Variants in MICOS10 observed in about 807,000 individuals in gnomAD.
The protein encoded by MICOS10 is mitochondrial contact site and cristae organizing system subunit 10, also known as MICOS complex subunit MIC10.
Under a neutral mutation model 13.4 loss-of-function variants are expected in MICOS10, and 5 were observed. That is an observed-to-expected ratio of 0.37 (90% CI 0.20 to 0.78). MICOS10 has a LOEUF of 0.78. Ranked by LOEUF, MICOS10 falls within the 30% of genes least tolerant of loss-of-function variation. The probability of loss-of-function intolerance (pLI) is 0.47; values close to 1 mark genes in which losing one functional copy is unlikely to be tolerated. For synonymous variants in MICOS10, 35 were observed against 33.6 expected (o/e 1.04, Z -0.15); for missense variants, 101 against 94.6 (o/e 1.07, Z -0.28).
intron 1 of MICOS10, among the ~76,000 whole-genome samples, chr1:19,616,496 G>C (rs2094885028): frequency 6.6e-6 from 1 of 152,114 alleles, no homozygotes; most frequent in Non-Finnish European, 1.5e-5. Flanking sequence ...AGTATTTTCT[G>C]GCTTGATTTG....
At chr1:19,602,693 G>A (rs2094820295) in intron 1 of MICOS10, among the ~76,000 whole-genome samples, 1 of 152,148 alleles carries the variant, frequency 6.6e-6, no homozygotes, top group African/African-American at 2.4e-5. Context: ...TTTATTAAAT[G>A]CTCTGGCTTT....
intron 1 of MICOS10, chr1:19,617,339 A>C: frequency 1.0e-6 from 1 of 981,748 alleles, no homozygotes; most frequent in Non-Finnish European, 1.2e-6. Flanking sequence ...CAGGAAGGGT[A>C]AGGTCTTGTA....
At chr1:19,610,357 C>G (rs1480325917) in intron 1 of MICOS10, among the ~76,000 whole-genome samples, 1 of 47,676 alleles carries the variant, frequency 2.1e-5, no homozygotes, top group Non-Finnish European at 3.3e-5. Context: ...CCCCACCCCC[C>G]ACCCCCCGGC....
At chr1:19,617,794 AAGCACAAATAC>A (rs1301505690) in intron 1 of MICOS10, among the ~76,000 whole-genome samples, 2 of 152,202 alleles carry the variant, frequency 1.3e-5, no homozygotes, top group Non-Finnish European at 2.9e-5. Context: ...TTCATGTTCA[AAGCACAAATAC>A]AGCTTTATTA....
intron 1 of MICOS10, chr1:19,597,973 A>G (rs1328404631): frequency 6.6e-6 from 1 of 152,080 alleles, no homozygotes; most frequent in Admixed American, 6.5e-5. Context: ...CCCAAATGTG[A>G]TATTTTTGTG....
At chr1:19,619,333 T>A (rs1465323820) in intron 1 of MICOS10, among the ~76,000 whole-genome samples, 1 of 152,250 alleles carries the variant, frequency 6.6e-6, no homozygotes, top group East Asian at 1.9e-4. Context: ...TGCTTCTAAT[T>A]ATTTGCAGTG....
intron 1 of MICOS10, among the ~76,000 whole-genome samples, chr1:19,602,512 A>G (rs574638657): frequency 3.0e-4 from 45 of 152,352 alleles, no homozygotes; most frequent in African/African-American, 1.0e-3. Flanking sequence ...GTATTTAAAC[A>G]AGTAGAGGGA....
At chr1:19,625,297 A>C in intron 3 of MICOS10, 1 of 1,180,990 alleles carries the variant, frequency 8.5e-7, no homozygotes, top group Non-Finnish European at 1.1e-6. Context: ...TGTGGTACAA[A>C]TGCATGTCCT....
intron 1 of MICOS10, among the ~76,000 whole-genome samples, chr1:19,599,147 C>G (rs984322575): frequency 6.6e-6 from 1 of 151,788 alleles, no homozygotes; most frequent in Non-Finnish European, 1.5e-5. Flanking sequence ...CTTCTGTCTC[C>G]TTGGGCTCAA....
At chr1:19,613,201 T>G (rs2094870578) in intron 1 of MICOS10, among the ~76,000 whole-genome samples, 1 of 152,200 alleles carries the variant, frequency 6.6e-6, no homozygotes, top group Non-Finnish European at 1.5e-5. Context: ...TAGCTCCCAC[T>G]TGCAGTTGCT....
chr1:19,621,930 G>A (rs1394889750), intron 1 of MICOS10, among the ~76,000 whole-genome samples, 170 bp from the exon 2 acceptor site: 2 of 152,096 alleles, frequency 1.3e-5, no homozygotes, highest in Non-Finnish European at 2.9e-5. Context: ...AGAACCAAAG[G>A]CATCTGTAAA....
chr1:19,619,820 G>C (rs375542263), intron 1 of MICOS10, among the ~76,000 whole-genome samples: 1 of 152,196 alleles, frequency 6.6e-6, no homozygotes, highest in East Asian at 1.9e-4. Flanking sequence ...CTCTCCAAAA[G>C]GCATGGTTTC....
intron 1 of MICOS10, among the ~76,000 whole-genome samples, chr1:19,620,463 T>A (rs1258592602): frequency 6.6e-6 from 1 of 152,264 alleles, no homozygotes; most frequent in Non-Finnish European, 1.5e-5. Context: ...TTTTCTGAAT[T>A]ATTTTTTTTC....
intron 1 of MICOS10, among the ~76,000 whole-genome samples, chr1:19,606,324 A>G (rs1332981493): frequency 2.0e-5 from 3 of 148,870 alleles, no homozygotes; most frequent in Non-Finnish European, 4.5e-5. Context: ...TAGTTTCTTA[A>G]TTTCTAGTAT....
At chr1:19,625,649 A>G (rs2094919328) in intron 3 of MICOS10, 1 of 1,282,778 alleles carries the variant, frequency 7.8e-7, no homozygotes, top group South Asian at 1.2e-5. Context: ...TGCTTAAAAC[A>G]TTTCCATTGT....
At chr1:19,622,072 T>C (rs754169401) in intron 1 of MICOS10, 28 bp from the exon 2 acceptor site, 1 of 1,574,118 alleles carries the variant, frequency 6.4e-7, no homozygotes, top group Non-Finnish European at 8.7e-7. Context: ...GCTATGAGAT[T>C]TAGCATGTTT....
intron 1 of MICOS10, among the ~76,000 whole-genome samples, chr1:19,611,142 G>A (rs1443096818): frequency 6.6e-6 from 1 of 151,950 alleles, no homozygotes; most frequent in Admixed American, 6.6e-5. Context: ...AGTAGAGACA[G>A]GGTTTCACCA....
chr1:19,600,814 C>T, intron 1 of MICOS10: 1 of 990,468 alleles, frequency 1.0e-6, no homozygotes, highest in Non-Finnish European at 1.4e-6. Context: ...GTTGCCCAGG[C>T]TGGTCTTGAA....
chr1:19,608,291 A>G lies in MICOS10; in HGVS notation c.64+11182A>G, dbSNP rs771049283. On this transcript the variant is annotated intron_variant, in intron 1 of 3. Coordinates refer to ENST00000322753, the MANE Select transcript of MICOS10 (RefSeq NM_001032363.4). Reference sequence around the variant, plus strand: ...AACCATCTGCCGTGTGACTGGTGGGATGAAGGTGAAGGCAGACCGAGATGA... The same window carrying G: ...AACCATCTGCCGTGTGACTGGTGGGGTGAAGGTGAAGGCAGACCGAGATGA... The G allele has an allele frequency of 5.2e-6, 7 of 1,342,630 alleles. No individual in the cohort carries two copies. In the South Asian group the frequency reaches 8.2e-5, roughly 16 times the overall value. The allele number at this position is 1,342,630 out of a possible 1,614,324, so 83.2% of individuals were successfully genotyped here.
Sources: gnomAD v4.1 joint callset for allele counts (sites outside exome capture counted in the v4.1 genomes callset) on GRCh38, gnomAD v4.1.1 for gene constraint, MANE v1.5 for transcripts, NCBI Gene and HGNC (gene_info 2026-07-23, HGNC 2026-07-21) for gene names.